CLVS1: variants seen among roughly 807,000 people sequenced by gnomAD.
The protein encoded by CLVS1 is clavesin-1.
CLVS1 carries 10 observed loss-of-function variants against 33.1 expected under a neutral mutation model. The observed-to-expected ratio is 0.30, with a 90% confidence interval of 0.19 to 0.51. The LOEUF is 0.51. Ranked by LOEUF, CLVS1 falls within the 20% of genes least tolerant of loss-of-function variation. The pLI is 0.97. For synonymous variants in CLVS1, 163 were observed against 166.1 expected (o/e 0.98, Z 0.14); for missense variants, 343 against 433.4 (o/e 0.79, Z 1.85).
intron 2 of CLVS1, among the ~76,000 whole-genome samples, chr8:61,141,586 A>G (rs1227905522): frequency 2.0e-5 from 3 of 152,208 alleles, no homozygotes; most frequent in Non-Finnish European, 2.9e-5. Flanking sequence ...ATGAATACAT[A>G]AAAATAGGTA....
At chr8:61,483,919 A>G (rs1161799531) in intron 5 of CLVS1, among the ~76,000 whole-genome samples, 3 of 152,246 alleles carry the variant, frequency 2.0e-5, no homozygotes, top group African/African-American at 4.8e-5. Context: ...AAAACTCTCA[A>G]TAAATTAGGT....
chr8:61,017,226 A>G, the CLVS1 span, among the ~76,000 whole-genome samples: 11 of 152,224 alleles, frequency 7.2e-5, no homozygotes, highest in African/African-American at 2.2e-4. Flanking sequence ...AGTTAGCCAA[A>G]TGGCTTTCCT....
intron 5 of CLVS1, among the ~76,000 whole-genome samples, chr8:61,490,185 C>T (rs2129608564): frequency 6.6e-6 from 1 of 151,792 alleles, no homozygotes; most frequent in Non-Finnish European, 1.5e-5. Context: ...TGTGGTGGTG[C>T]ACTCCTGTAG....
chr8:61,157,604 A>T (rs1806675878), intron 2 of CLVS1, among the ~76,000 whole-genome samples: 1 of 152,082 alleles, frequency 6.6e-6, no homozygotes, highest in African/African-American at 2.4e-5. Flanking sequence ...AGCATCAAGA[A>T]ATTGATAGTC....
intron 1 of CLVS1, among the ~76,000 whole-genome samples, chr8:61,089,263 G>A (rs1805186949): frequency 6.6e-6 from 1 of 152,178 alleles, no homozygotes; most frequent in African/African-American, 2.4e-5. Context: ...AAATGGAAAG[G>A]CAGATAGATG....
chr8:61,111,675 A>C (rs1366072928), intron 1 of CLVS1, among the ~76,000 whole-genome samples: 1 of 152,176 alleles, frequency 6.6e-6, no homozygotes, highest in African/African-American at 2.4e-5. Context: ...CTTTCTGCCT[A>C]GCTCTCTGCT....
the CLVS1 span, among the ~76,000 whole-genome samples, chr8:61,047,411 G>A: frequency 1.3e-5 from 2 of 152,248 alleles, no homozygotes; most frequent in Middle Eastern, 3.4e-3. Flanking sequence ...ATTCCTCAGG[G>A]ATCTAAAACT....
chr8:61,286,263 A>T (rs1453437777), upstream of CLVS1, among the ~76,000 whole-genome samples: 2 of 152,182 alleles, frequency 1.3e-5, no homozygotes, highest in Non-Finnish European at 2.9e-5. Context: ...GGCCCTGCCC[A>T]TATGTAATAG....
chr8:61,134,461 T>C (rs1806155717), intron 2 of CLVS1, among the ~76,000 whole-genome samples: 1 of 152,214 alleles, frequency 6.6e-6, no homozygotes, highest in Admixed American at 6.5e-5. Flanking sequence ...CAAAAGAATA[T>C]CTCATGTCAT....
chr8:61,358,925 G>A (rs374249056), intron 2 of CLVS1, among the ~76,000 whole-genome samples: 13 of 152,016 alleles, frequency 8.6e-5, no homozygotes, highest in South Asian at 2.1e-4. Flanking sequence ...GGAAGCATAC[G>A]CAGCTATCTC....
At chr8:61,055,932 C>T (rs1804466622), upstream of CLVS1, among the ~76,000 whole-genome samples, 1 of 152,260 alleles carries the variant, frequency 6.6e-6, no homozygotes, top group African/African-American at 2.4e-5. Context: ...CTCCACCACG[C>T]TTAACATGTG....
chr8:61,260,119 C>T (rs1428730197), intron 2 of CLVS1, among the ~76,000 whole-genome samples: 1 of 152,192 alleles, frequency 6.6e-6, no homozygotes, highest in Non-Finnish European at 1.5e-5. Context: ...CGTAGGATGG[C>T]AGTTACCTTT....
At chr8:61,391,073 T>C (rs1814285542) in intron 3 of CLVS1, 1 of 152,152 alleles carries the variant, frequency 6.6e-6, no homozygotes, top group Admixed American at 6.5e-5. Flanking sequence ...TCTCTATGTA[T>C]TTTGATTTGT....
chr8:61,497,087 T>C (rs1804291225), intron 5 of CLVS1, among the ~76,000 whole-genome samples: 1 of 152,204 alleles, frequency 6.6e-6, no homozygotes, highest in Non-Finnish European at 1.5e-5. Context: ...AACAATACCA[T>C]GCACAAACAT....
intron 2 of CLVS1, among the ~76,000 whole-genome samples, chr8:61,301,328 C>G (rs1009571663): frequency 1.4e-4 from 22 of 152,052 alleles, no homozygotes; most frequent in Admixed American, 7.9e-4. Context: ...TGTCAGACAC[C>G]CAAAGGAGAG....
chr8:61,051,441 C>T, the CLVS1 span, among the ~76,000 whole-genome samples: 14 of 152,222 alleles, frequency 9.2e-5, no homozygotes, highest in African/African-American at 1.2e-4. Flanking sequence ...CTGGCTGTAC[C>T]TGGGGGAGGC....
chr8:60,994,656 T>A, the CLVS1 span, among the ~76,000 whole-genome samples: 1 of 151,984 alleles, frequency 6.6e-6, no homozygotes, highest in East Asian at 1.9e-4. Flanking sequence ...CTGATGACAT[T>A]AAAAAAATTT....
intron 2 of CLVS1, among the ~76,000 whole-genome samples, chr8:61,226,681 A>G (rs1296625999): frequency 1.3e-5 from 2 of 152,224 alleles, no homozygotes; most frequent in African/African-American, 4.8e-5. Context: ...AATCTTCCTT[A>G]TAATGATTTA....
the CLVS1 span, among the ~76,000 whole-genome samples, chr8:61,002,114 G>A: frequency 2.0e-5 from 3 of 152,062 alleles, no homozygotes; most frequent in South Asian, 2.1e-4. Context: ...GAGTAGCTGG[G>A]ACTACAGGCA....
Sources: gnomAD v4.1 joint callset for allele counts (sites outside exome capture counted in the v4.1 genomes callset) on GRCh38, gnomAD v4.1.1 for gene constraint, MANE v1.5 for transcripts, NCBI Gene and HGNC (gene_info 2026-07-23, HGNC 2026-07-21) for gene names.